The following CALD1 variants were observed in gnomAD, a reference collection of about 807,000 sequenced individuals.
CALD1 encodes caldesmon.
CALD1 carries 33 observed loss-of-function variants against 99.9 expected under a neutral mutation model. The ratio of observed to expected loss-of-function variants is 0.33; its 90% CI spans 0.25 to 0.44. The LOEUF (loss-of-function observed/expected upper bound fraction) is 0.44, where lower values mean the gene tolerates loss of function less well. Ranked by LOEUF, CALD1 falls within the 20% of genes least tolerant of loss-of-function variation. The pLI is 1.00. For synonymous variants in CALD1, 310 were observed against 325.0 expected (o/e 0.95, Z 0.50); for missense variants, 861 against 962.1 (o/e 0.89, Z 1.39).
chr7:134,828,921 G>A lies in CALD1; in HGVS notation c.-129-14963G>A, dbSNP rs777682519. Among the ~76,000 whole-genome samples the A allele has an allele frequency of 3.5e-4, 54 of 152,130 alleles. 1 individual carries two copies. Among genetic ancestry groups the A allele is most frequent in the Non-Finnish European group, 4.3e-4 (29 of 68,030 alleles). On this transcript the variant is annotated intron_variant, in intron 1 of 14. Coordinates refer to ENST00000361675, the MANE Select transcript of CALD1 (RefSeq NM_033138.4). ...ATTCAGAATATTGAGCACTTAGCAAGTGCCAAGCTCTTAATTAGGAGCTCT... is the reference window on the plus strand; with the variant it reads ...ATTCAGAATATTGAGCACTTAGCAAATGCCAAGCTCTTAATTAGGAGCTCT...
At chr7:134,890,073 T>TA (rs1431622748) in intron 3 of CALD1, among the ~76,000 whole-genome samples, 2 of 151,764 alleles carry the variant, frequency 1.3e-5, no homozygotes, top group Non-Finnish European at 2.9e-5. Context: ...CAAGCCCGGG[T>TA]AATTTTTGTA....
At chr7:134,896,514 T>C (rs1172693019) in intron 3 of CALD1, among the ~76,000 whole-genome samples, 1 of 151,660 alleles carries the variant, frequency 6.6e-6, no homozygotes, top group Non-Finnish European at 1.5e-5. Flanking sequence ...ATACAAGATA[T>C]TGCAGCACTG....
intron 1 of CALD1, among the ~76,000 whole-genome samples, chr7:134,749,619 A>G (rs1796668017): frequency 6.6e-6 from 1 of 152,116 alleles, no homozygotes; most frequent in Non-Finnish European, 1.5e-5. Flanking sequence ...GCAAGGCCAG[A>G]AGAGTGAGGT....
intron 1 of CALD1, among the ~76,000 whole-genome samples, chr7:134,798,507 T>C (rs2131826484): frequency 6.6e-6 from 1 of 152,368 alleles, no homozygotes; most frequent in Admixed American, 6.5e-5. Context: ...GCTGAAACTC[T>C]GTTCTTAAAG....
chr7:134,916,769 G>A (rs1406308556), intron 3 of CALD1, among the ~76,000 whole-genome samples: 1 of 152,118 alleles, frequency 6.6e-6, no homozygotes, highest in East Asian at 1.9e-4. Flanking sequence ...ATGTGATAGT[G>A]GTACCATAAT....
intron 1 of CALD1, among the ~76,000 whole-genome samples, chr7:134,793,037 C>T (rs1797603846): frequency 6.6e-6 from 1 of 152,210 alleles, no homozygotes; most frequent in African/African-American, 2.4e-5. Context: ...CTGTGGACAG[C>T]TATGAAACCA....
At chr7:134,853,858 AG>A (rs1800182438) in intron 2 of CALD1, among the ~76,000 whole-genome samples, 2 of 68,510 alleles carry the variant, frequency 2.9e-5, no homozygotes. Context: ...TCCCTCCCGT[AG>A]CCCCCCACCC....
chr7:134,802,880 A>C (rs555319144), intron 1 of CALD1, among the ~76,000 whole-genome samples: 1 of 152,344 alleles, frequency 6.6e-6, no homozygotes, highest in East Asian at 1.9e-4. Context: ...TGTGTGTGTA[A>C]ACACAAGTTT....
Position 134,761,196 on chromosome 7 carries a change from C to T in CALD1, c.-130+16833C>T, listed in dbSNP as rs569814067. Among the ~76,000 whole-genome samples the T allele has an allele frequency of 5.3e-5, 8 of 152,288 alleles. No homozygotes were observed. In the South Asian group the frequency reaches 1.0e-3, roughly 20 times the overall value. On this transcript the variant is annotated intron_variant, in intron 1 of 13. Coordinates refer to the CALD1 transcript ENST00000417172. The stretch of plus-strand genomic sequence containing the variant: ...ACAGTTTCATCTAAAATTGGCTCTG[C>T]GTGAAGTTTTATTTTTACTTCTCCC...
chr7:134,758,676 T>C (rs1183817206), intron 1 of CALD1, among the ~76,000 whole-genome samples: 1 of 152,198 alleles, frequency 6.6e-6, no homozygotes, highest in Non-Finnish European at 1.5e-5. Context: ...TGTTTTACTT[T>C]GTGAAACAGT....
chr7:134,900,919 G>A (rs181284828), intron 3 of CALD1, among the ~76,000 whole-genome samples: 13 of 152,020 alleles, frequency 8.6e-5, no homozygotes, highest in African/African-American at 3.1e-4. Flanking sequence ...AATTCAACTT[G>A]TGATTGGCAT....
intron 3 of CALD1, among the ~76,000 whole-genome samples, chr7:134,918,446 C>T (rs1804373162): frequency 6.6e-6 from 1 of 152,172 alleles, no homozygotes; most frequent in Non-Finnish European, 1.5e-5. Flanking sequence ...AGAATGCATG[C>T]AGTATTGTTA....
intron 1 of CALD1, among the ~76,000 whole-genome samples, chr7:134,800,974 T>G (rs1039572869): frequency 6.6e-6 from 1 of 152,096 alleles, no homozygotes; most frequent in Non-Finnish European, 1.5e-5. Context: ...GCATATTATT[T>G]GAAATGTATC....
chr7:134,743,536 G>T (rs1796608537), upstream of CALD1, among the ~76,000 whole-genome samples: 1 of 152,134 alleles, frequency 6.6e-6, no homozygotes, highest in South Asian at 2.1e-4. Flanking sequence ...CTGATGCCTG[G>T]TAAAGTGATC....
chr7:134,912,924 C>T (rs1803918796), intron 3 of CALD1, among the ~76,000 whole-genome samples: 1 of 152,080 alleles, frequency 6.6e-6, no homozygotes, highest in South Asian at 2.1e-4. Flanking sequence ...TGTGCTTCCA[C>T]CTGTCAAGCC....
At chr7:134,788,878 GGTGGTGTGCATCTGTA>G (rs1797408999) in intron 1 of CALD1, among the ~76,000 whole-genome samples, 1 of 152,014 alleles carries the variant, frequency 6.6e-6, no homozygotes, top group Non-Finnish European at 1.5e-5. Context: ...AGCCGGCCAT[GGTGGTGTGCATCTGTA>G]GTCCCAGCTA....
At chr7:134,768,842 T>C (rs1796853144) in intron 1 of CALD1, among the ~76,000 whole-genome samples, 1 of 152,098 alleles carries the variant, frequency 6.6e-6, no homozygotes, top group Admixed American at 6.5e-5. Flanking sequence ...GCAGTACCAT[T>C]CCCCTCTCTC....
chr7:134,749,658 CA>C (rs1464420170), intron 1 of CALD1, among the ~76,000 whole-genome samples: 6 of 152,132 alleles, frequency 3.9e-5, no homozygotes, highest in African/African-American at 4.8e-5. Flanking sequence ...GATCCCGCCT[CA>C]GGGGATGCCT....
intron 1 of CALD1, among the ~76,000 whole-genome samples, chr7:134,760,646 T>C (rs913946534): frequency 6.6e-6 from 1 of 152,188 alleles, no homozygotes; most frequent in Non-Finnish European, 1.5e-5. Flanking sequence ...TATAAAACAG[T>C]GCATTTACAT....
Sources: gnomAD v4.1 joint callset for allele counts (sites outside exome capture counted in the v4.1 genomes callset) on GRCh38, gnomAD v4.1.1 for gene constraint, MANE v1.5 for transcripts, NCBI Gene and HGNC (gene_info 2026-07-23, HGNC 2026-07-21) for gene names.